CFAP210: variants seen among roughly 807,000 people sequenced by gnomAD.
CFAP210 encodes the protein cilia and flagella associated protein 210, also known as cilia- and flagella- associated protein 210.
At chr2:169,660,838 A>T in the CFAP210 span, 3 of 272,088 alleles carry the variant, frequency 1.1e-5, no homozygotes, top group Non-Finnish European at 2.2e-5. Context: ...CTGAGCTCAA[A>T]GAGATCTGCC....
the CFAP210 span, among the ~76,000 whole-genome samples, chr2:169,686,007 G>GT: frequency 2.0e-3 from 301 of 151,978 alleles, 5 homozygotes; most frequent in East Asian, 1.7e-3. Context: ...GGTGACTGTA[G>GT]TTTTTTTTAT....
chr2:169,683,951 G>C, the CFAP210 span, among the ~76,000 whole-genome samples: 1 of 152,132 alleles, frequency 6.6e-6, no homozygotes, highest in African/African-American at 2.4e-5. Context: ...CCATATCTTT[G>C]GAGATCAGGA....
At chr2:169,672,937 AG>A in the CFAP210 span, among the ~76,000 whole-genome samples, 1 of 152,194 alleles carries the variant, frequency 6.6e-6, no homozygotes, top group East Asian at 1.9e-4. Context: ...ACCAATATAA[AG>A]GAGAAATTCT....
At chr2:169,678,341 CAAAAA>C in the CFAP210 span, among the ~76,000 whole-genome samples, 4,063 of 88,154 alleles carry the variant, frequency 0.046, 209 homozygotes, top group African/African-American at 0.16. Context: ...AACTCTGTTG[CAAAAA>C]AAAAAAAAAA....
At chr2:169,645,676 A>G in the CFAP210 span, 2 of 570,770 alleles carry the variant, frequency 3.5e-6, no homozygotes, top group Non-Finnish European at 6.1e-6. Flanking sequence ...AAGGAATCTC[A>G]AAATTGGGGT....
chr2:169,668,957 G>A, the CFAP210 span, among the ~76,000 whole-genome samples: 3 of 152,202 alleles, frequency 2.0e-5, no homozygotes, highest in African/African-American at 4.8e-5. Flanking sequence ...ACAAATCTTC[G>A]ATTTGTAAAA....
At chr2:169,662,305 ATCTCT>A in the CFAP210 span, 3 of 1,600,152 alleles carry the variant, frequency 1.9e-6, no homozygotes, top group African/African-American at 2.7e-5. Context: ...GCTTTCATGC[ATCTCT>A]TCTCTTTTCT....
At chr2:169,694,241 G>C in the CFAP210 span, 1 of 1,613,304 alleles carries the variant, frequency 6.2e-7, no homozygotes, top group African/African-American at 1.3e-5. Context: ...CCTGTCCCTG[G>C]ATAGGTCAGT....
At chr2:169,664,371 C>T in the CFAP210 span, among the ~76,000 whole-genome samples, 1 of 152,176 alleles carries the variant, frequency 6.6e-6, no homozygotes, top group Non-Finnish European at 1.5e-5. Context: ...TATAACTATG[C>T]ATCCATTGGA....
chr2:169,660,058 G>A, the CFAP210 span, among the ~76,000 whole-genome samples: 6 of 151,240 alleles, frequency 4.0e-5, no homozygotes. Context: ...AATCTGGCTA[G>A]AGGTTTGTAA....
At chr2:169,659,958 C>T in the CFAP210 span, among the ~76,000 whole-genome samples, 3 of 152,102 alleles carry the variant, frequency 2.0e-5, no homozygotes, top group African/African-American at 7.2e-5. Context: ...ATACTAGCCT[C>T]TAATGATCTT....
At chr2:169,654,736 TTAAAG>T in the CFAP210 span, among the ~76,000 whole-genome samples, 1 of 152,008 alleles carries the variant, frequency 6.6e-6, no homozygotes, top group Non-Finnish European at 1.5e-5. Context: ...TCTCATGTCT[TTAAAG>T]TATACAATTT....
the CFAP210 span, chr2:169,654,211 G>A: frequency 8.9e-6 from 14 of 1,568,428 alleles, no homozygotes; most frequent in African/African-American, 1.6e-4. Flanking sequence ...TCCTGCATAT[G>A]TTCCTTGGGG....
At chr2:169,654,020 A>C in the CFAP210 span, 2 of 1,484,980 alleles carry the variant, frequency 1.3e-6, no homozygotes, top group Non-Finnish European at 1.8e-6. Flanking sequence ...CATAATAATC[A>C]TAAAATCATA....
At chr2:169,653,916 A>T in the CFAP210 span, among the ~76,000 whole-genome samples, 105 of 152,328 alleles carry the variant, frequency 6.9e-4, 1 homozygote, top group African/African-American at 2.3e-3. Flanking sequence ...CATCTACAAG[A>T]TGATGTCCTC....
the CFAP210 span, chr2:169,645,903 T>G: frequency 1.2e-6 from 2 of 1,613,924 alleles, no homozygotes; most frequent in Non-Finnish European, 1.7e-6. Context: ...CCCTGAGAGT[T>G]ATAAAAAGGG....
At chr2:169,649,078 A>T in the CFAP210 span, 1 of 990,478 alleles carries the variant, frequency 1.0e-6, no homozygotes, top group East Asian at 2.7e-5. Context: ...CATAATGACC[A>T]TTTTTTTCTT....
At chr2:169,648,377 G>A in the CFAP210 span, among the ~76,000 whole-genome samples, 77 of 152,078 alleles carry the variant, frequency 5.1e-4, 3 homozygotes, top group South Asian at 0.016. Flanking sequence ...GATGTATAGT[G>A]GCCATGATCA....
the CFAP210 span, chr2:169,645,921 C>T: frequency 6.2e-7 from 1 of 1,613,970 alleles, no homozygotes; most frequent in South Asian, 1.1e-5. Flanking sequence ...GGGAGCTGGA[C>T]TCCAGTAACA....
Sources: gnomAD v4.1 joint callset for allele counts (sites outside exome capture counted in the v4.1 genomes callset) on GRCh38, gnomAD v4.1.1 for gene constraint, MANE v1.5 for transcripts, NCBI Gene and HGNC (gene_info 2026-07-23, HGNC 2026-07-21) for gene names.